The following TMEM132D variants were observed in gnomAD, a reference collection of about 807,000 sequenced individuals.
TMEM132D encodes transmembrane protein 132D.
TMEM132D carries 21 observed loss-of-function variants against 62.3 expected under a neutral mutation model. The ratio of observed to expected loss-of-function variants is 0.34; its 90% CI spans 0.24 to 0.49. The LOEUF (loss-of-function observed/expected upper bound fraction) is 0.49. TMEM132D is among the 20% of genes least tolerant of loss of function. TMEM132D has a pLI of 0.99. For missense variants in TMEM132D, 1,346 were observed against 1,402.8 expected, an observed-to-expected ratio of 0.96 and a Z score of 0.65; for synonymous variants, 621 against 575.6, an observed-to-expected ratio of 1.08 and a Z score of -1.13.
intron 2 of TMEM132D, among the ~76,000 whole-genome samples, chr12:129,589,328 C>A (rs1345875617): frequency 6.6e-6 from 1 of 152,100 alleles, no homozygotes; most frequent in Non-Finnish European, 1.5e-5. Context: ...CACCTCCTAC[C>A]ATGATTGTGA....
intron 1 of TMEM132D, among the ~76,000 whole-genome samples, chr12:129,723,504 C>A (rs1253916250): frequency 1.3e-5 from 2 of 152,198 alleles, no homozygotes; most frequent in East Asian, 3.9e-4. Flanking sequence ...ACAGGACTAG[C>A]GGACAAAGAG....
At chr12:129,311,122 C>T (rs1172071928) in intron 4 of TMEM132D, among the ~76,000 whole-genome samples, 1 of 94,088 alleles carries the variant, frequency 1.1e-5, no homozygotes, top group African/African-American at 5.1e-5. Context: ...GGCGTGAACC[C>T]GGGAGGCGGA....
chr12:129,223,497 T>G (rs577173952), intron 4 of TMEM132D, among the ~76,000 whole-genome samples: 2 of 152,286 alleles, frequency 1.3e-5, no homozygotes, highest in Admixed American at 6.5e-5. Flanking sequence ...TCTACCTTGC[T>G]GCACTCAACA....
intron 4 of TMEM132D, among the ~76,000 whole-genome samples, chr12:129,329,271 G>A (rs1380832873): frequency 1.3e-5 from 2 of 152,058 alleles, no homozygotes; most frequent in Non-Finnish European, 2.9e-5. Context: ...AACACACAAT[G>A]CAAGAAGGTG....
In TMEM132D at chr12:129,647,121, C is replaced by CATATATATATATAT. The variant is rs34158444; in HGVS notation, c.968+52675_968+52688dup. Among the ~76,000 whole-genome samples the CATATATATATATAT allele has an allele frequency of 4.1e-5, 6 of 146,400 alleles. No individual in the cohort carries two copies. The East Asian group carries it at 7.9e-4, about 19-fold the overall frequency. On this transcript the variant is annotated intron_variant, in intron 2 of 8. Coordinates refer to ENST00000422113, the MANE Select transcript of TMEM132D (RefSeq NM_133448.3). ...AACCACATGTTTTTATACATACATA[C>CATATATATATATAT]ATATATATATATATATATATACTCA...
chr12:129,867,458 G>A lies in TMEM132D; in HGVS notation c.79+35803C>T, dbSNP rs772555607. ...GCTCAGCAACACTGGTGAGAGAATA[G>A]GGAGATGCTGATGAAAAAGGGAAAA... On this transcript the variant is annotated intron_variant, in intron 1 of 8. Coordinates refer to ENST00000422113, the MANE Select transcript of TMEM132D (RefSeq NM_133448.3). This position sits in a 1 kb window ranked among gnomAD's most constrained non-coding sequence, Gnocchi z 4.5. Among the ~76,000 whole-genome samples, 1 of 152,192 alleles carries A rather than the reference G, an allele frequency of 6.6e-6. No individual in the cohort carries two copies. The highest frequency in any genetic ancestry group is 1.5e-5 in the Non-Finnish European group (1 of 68,036).
chr12:129,570,420 T>A (rs113607424), intron 2 of TMEM132D, among the ~76,000 whole-genome samples: 10 of 152,196 alleles, frequency 6.6e-5, no homozygotes, highest in Non-Finnish European at 1.3e-4. Context: ...AAAGCTTTTT[T>A]AAGAGGTGAA....
intron 1 of TMEM132D, among the ~76,000 whole-genome samples, chr12:129,713,945 C>T (rs758779285): frequency 6.6e-6 from 1 of 152,182 alleles, no homozygotes; most frequent in African/African-American, 2.4e-5. Context: ...AAACTCACCT[C>T]GAAACTGTTG....
In TMEM132D at chr12:129,873,191, A is replaced by G. The variant is rs1243744541; in HGVS notation, c.79+30070T>C. Among the ~76,000 whole-genome samples, 3 of 152,154 alleles carry G rather than the reference A, an allele frequency of 2.0e-5. No homozygotes were observed. The East Asian group carries it at 5.8e-4, about 29-fold the overall frequency. On this transcript the variant is annotated intron_variant, in intron 1 of 8. Coordinates refer to ENST00000422113, the MANE Select transcript of TMEM132D (RefSeq NM_133448.3). ...CAGACGGTTATTTTTCTTTTAATTT[A>G]TCGCATCAGACATATGCAGCACGGA...
intron 1 of TMEM132D, among the ~76,000 whole-genome samples, chr12:129,753,534 A>T (rs1870068502): frequency 6.6e-6 from 1 of 152,238 alleles, no homozygotes; most frequent in Non-Finnish European, 1.5e-5. Context: ...CAGTGAGCAC[A>T]CTTATTCAAA....
chr12:129,743,942 C>T (rs142475541), intron 1 of TMEM132D, among the ~76,000 whole-genome samples: 230 of 152,208 alleles, frequency 1.5e-3, no homozygotes, highest in African/African-American at 5.3e-3. Context: ...AGTGAGATGT[C>T]AGAGACAAAA....
chr12:129,764,398 C>G (rs1870483813), intron 1 of TMEM132D, among the ~76,000 whole-genome samples: 2 of 152,156 alleles, frequency 1.3e-5, no homozygotes, highest in African/African-American at 4.8e-5. Flanking sequence ...ATTACTTCAG[C>G]ACAACAGGAA....
intron 3 of TMEM132D, among the ~76,000 whole-genome samples, chr12:129,499,717 C>T (rs1397418309): frequency 1.3e-5 from 2 of 152,182 alleles, no homozygotes; most frequent in Non-Finnish European, 2.9e-5. Flanking sequence ...GGAAAGTCCA[C>T]TTCAGAGGGT....
chr12:129,124,291 C>T (rs1876149897), intron 5 of TMEM132D, among the ~76,000 whole-genome samples: 1 of 152,186 alleles, frequency 6.6e-6, no homozygotes, highest in Non-Finnish European at 1.5e-5. Flanking sequence ...ACCCCCAAGA[C>T]TCACCTTGAA....
chr12:129,533,535 T>C (rs1876289064), intron 2 of TMEM132D, among the ~76,000 whole-genome samples: 1 of 152,230 alleles, frequency 6.6e-6, no homozygotes. Flanking sequence ...ACAGGAGATA[T>C]CAGTACATAG....
intron 1 of TMEM132D, among the ~76,000 whole-genome samples, chr12:129,773,574 C>T (rs1191163956): frequency 1.3e-5 from 2 of 152,106 alleles, no homozygotes; most frequent in East Asian, 3.9e-4. Context: ...CTTCACTTCT[C>T]CCGAGAACAG....
At chr12:129,760,801 C>T (rs1261778687) in intron 1 of TMEM132D, among the ~76,000 whole-genome samples, 1 of 152,028 alleles carries the variant, frequency 6.6e-6, no homozygotes, top group African/African-American at 2.4e-5. Context: ...TCCTAATGCT[C>T]TCCATCCCCT....
intron 4 of TMEM132D, among the ~76,000 whole-genome samples, chr12:129,221,881 A>G (rs1474731640): frequency 1.3e-5 from 2 of 152,166 alleles, no homozygotes; most frequent in Non-Finnish European, 2.9e-5. Context: ...CACATTAAAC[A>G]TAAGAGCTAT....
At chr12:129,591,871 C>A (rs1244900315) in intron 2 of TMEM132D, among the ~76,000 whole-genome samples, 1 of 152,024 alleles carries the variant, frequency 6.6e-6, no homozygotes, top group Non-Finnish European at 1.5e-5. Context: ...TAAATAAGCA[C>A]AAGAATGAGT....
Sources: allele counts gnomAD v4.1 joint callset (sites outside exome capture counted in the v4.1 genomes callset), GRCh38; gene constraint gnomAD v4.1.1; non-coding constraint Gnocchi (gnomAD v3.1); transcripts MANE v1.5; gene names NCBI Gene and HGNC (gene_info 2026-07-23, HGNC 2026-07-21).